The following SNTB1 variants were observed in gnomAD, a reference collection of about 807,000 sequenced individuals.
SNTB1 encodes the protein syntrophin beta 1.
Under a neutral mutation model 48.9 loss-of-function variants are expected in SNTB1, and 36 were observed. The observed-to-expected ratio is 0.74, with a 90% CI of 0.56 to 0.97. SNTB1 has a LOEUF of 0.97. Ranked by LOEUF, SNTB1 falls within the 50% of genes least tolerant of loss-of-function variation. The pLI is 0.00. For synonymous variants in SNTB1, 299 were observed against 294.6 expected (o/e 1.01, Z -0.15); for missense variants, 786 against 703.4 (o/e 1.12, Z -1.33).
intron 1 of SNTB1, among the ~76,000 whole-genome samples, chr8:120,712,414 CAAAAAAA>C (rs370583854): frequency 3.7e-5 from 3 of 81,332 alleles, no homozygotes; most frequent in East Asian, 5.8e-4. Context: ...GACTCCATCT[CAAAAAAA>C]AAAAAAAAAA....
intron 2 of SNTB1, among the ~76,000 whole-genome samples, chr8:120,654,064 A>AAAAAAAAAAAAAAAAAAAAAAAAAAAAC (rs1310619465): frequency 6.7e-6 from 1 of 148,730 alleles, no homozygotes; most frequent in Non-Finnish European, 1.5e-5. Flanking sequence ...AAAAAAAAAA[A>AAAAAAAAAAAAAAAAAAAAAAAAAAAAC]AAAAAAAGTT....
At chr8:120,723,655 GC>G (rs1818706794) in intron 1 of SNTB1, among the ~76,000 whole-genome samples, 1 of 152,136 alleles carries the variant, frequency 6.6e-6, no homozygotes, top group Non-Finnish European at 1.5e-5. Flanking sequence ...AGATAGATAG[GC>G]GACTGGGCCC....
intron 3 of SNTB1, among the ~76,000 whole-genome samples, chr8:120,593,764 G>A (rs1816279883): frequency 1.3e-5 from 2 of 152,190 alleles, no homozygotes; most frequent in Admixed American, 1.3e-4. Context: ...ATTGGACAGA[G>A]GTTTTTCCTA....
At chr8:120,656,147 G>A (rs1429396852) in intron 2 of SNTB1, among the ~76,000 whole-genome samples, 2 of 152,210 alleles carry the variant, frequency 1.3e-5, no homozygotes, top group Non-Finnish European at 2.9e-5. Flanking sequence ...AGCTAAGAAT[G>A]TGGATTTAGG....
At chr8:120,726,532 T>A (rs531203495) in intron 1 of SNTB1, among the ~76,000 whole-genome samples, 2 of 152,350 alleles carry the variant, frequency 1.3e-5, no homozygotes, top group South Asian at 4.1e-4. Context: ...ACATGTGAGA[T>A]GAATGTGGAC....
At chr8:120,558,703 T>C (rs1255120731) in intron 4 of SNTB1, among the ~76,000 whole-genome samples, 2 of 152,218 alleles carry the variant, frequency 1.3e-5, no homozygotes, top group Admixed American at 1.3e-4. Flanking sequence ...GCAAGTTTCT[T>C]AAACTCTCCA....
chr8:120,760,829 T>C (rs1819407485), intron 1 of SNTB1, among the ~76,000 whole-genome samples: 1 of 152,086 alleles, frequency 6.6e-6, no homozygotes, highest in South Asian at 2.1e-4. Flanking sequence ...TCTCATTTAC[T>C]AAGGGGTGAA....
chr8:120,730,376 T>C lies in SNTB1; in HGVS notation c.572-36468A>G, dbSNP rs572908810. Among the ~76,000 whole-genome samples the C allele has an allele frequency of 4.6e-5, 7 of 152,050 alleles. No individual in the cohort carries two copies. The South Asian group carries it at 1.5e-3, about 32-fold the overall frequency. On this transcript the variant is annotated intron_variant, in intron 1 of 6. Transcript: ENST00000517992. The stretch of plus-strand genomic sequence containing the variant: ...AGAGTATTTTGTATTTTTAGTAGAG[T>C]AGGGTTTCGCCATGTTGGCCAGGCT...
chr8:120,706,248 A>G (rs1376328828), intron 1 of SNTB1, among the ~76,000 whole-genome samples: 1 of 152,172 alleles, frequency 6.6e-6, no homozygotes, highest in African/African-American at 2.4e-5. Flanking sequence ...AAAGTGCTTG[A>G]AAATATCATT....
chr8:120,766,400 C>T (rs1819525477), intron 1 of SNTB1, among the ~76,000 whole-genome samples: 1 of 152,128 alleles, frequency 6.6e-6, no homozygotes. Context: ...ATAGTTTTTG[C>T]CCCAAGTGGT....
intron 5 of SNTB1, among the ~76,000 whole-genome samples, chr8:120,544,441 C>T (rs999274217): frequency 1.3e-5 from 2 of 152,200 alleles, no homozygotes; most frequent in Non-Finnish European, 2.9e-5. Flanking sequence ...TTCCCCAACT[C>T]TCTGCAGGCA....
At chr8:120,727,164 C>T (rs1270074350) in intron 1 of SNTB1, among the ~76,000 whole-genome samples, 1 of 152,162 alleles carries the variant, frequency 6.6e-6, no homozygotes, top group Non-Finnish European at 1.5e-5. Context: ...GGATCTCTGA[C>T]ATGTGGGGTC....
intron 1 of SNTB1, among the ~76,000 whole-genome samples, chr8:120,793,960 T>C (rs891794726): frequency 6.6e-6 from 1 of 152,052 alleles, no homozygotes. Flanking sequence ...TTATTTTTAA[T>C]ATAGATCAAG....
chr8:120,679,373 C>T (rs148219084), intron 2 of SNTB1, among the ~76,000 whole-genome samples: 37 of 152,284 alleles, frequency 2.4e-4, no homozygotes, highest in Admixed American at 7.2e-4. Flanking sequence ...TCAATTTAGG[C>T]AATATCTCCA....
At chr8:120,714,408 C>T (rs1818521240) in intron 1 of SNTB1, among the ~76,000 whole-genome samples, 1 of 152,008 alleles carries the variant, frequency 6.6e-6, no homozygotes, top group Non-Finnish European at 1.5e-5. Flanking sequence ...TACTCCATTT[C>T]ACAGAAGGTG....
intron 3 of SNTB1, among the ~76,000 whole-genome samples, chr8:120,610,532 A>G (rs1378054074): frequency 8.8e-6 from 1 of 114,112 alleles, no homozygotes; most frequent in Non-Finnish European, 2.4e-5. Context: ...ACTGAGCAGG[A>G]CTAAAGTTTT....
At chr8:120,762,519 C>T (rs138532622) in intron 1 of SNTB1, among the ~76,000 whole-genome samples, 14 of 152,222 alleles carry the variant, frequency 9.2e-5, no homozygotes, top group Non-Finnish European at 1.8e-4. Context: ...TGTTTGGGTT[C>T]GGAGGGTAGG....
chr8:120,686,890 T>C (rs897183148), intron 2 of SNTB1, among the ~76,000 whole-genome samples: 3 of 152,138 alleles, frequency 2.0e-5, no homozygotes, highest in African/African-American at 7.2e-5. Context: ...TGGCAATAGT[T>C]TCCATTATGA....
intron 3 of SNTB1, among the ~76,000 whole-genome samples, chr8:120,578,548 A>G (rs1476941555): frequency 6.6e-6 from 1 of 152,154 alleles, no homozygotes; most frequent in East Asian, 1.9e-4. Flanking sequence ...TCCTGCCTTG[A>G]GTGCTGCAGT....
Sources: allele counts gnomAD v4.1 joint callset (sites outside exome capture counted in the v4.1 genomes callset), GRCh38; gene constraint gnomAD v4.1.1; transcripts MANE v1.5; gene names NCBI Gene and HGNC (gene_info 2026-07-23, HGNC 2026-07-21).